Variants in ERC2 observed in about 807,000 individuals in gnomAD.
ERC2 encodes ELKS/RAB6-interacting/CAST family member 2, also known as ERC protein 2.
ERC2 carries 42 observed loss-of-function variants against 114.8 expected under a neutral mutation model. That is an observed-to-expected ratio of 0.37 (90% CI 0.29 to 0.47). ERC2 has a LOEUF of 0.47. ERC2 is among the 20% of genes least tolerant of loss of function. ERC2 has a pLI of 0.99. For missense variants in ERC2, 939 were observed against 1,150.7 expected (o/e 0.82, Z 2.66); for synonymous variants, 454 against 425.5 (o/e 1.07, Z -0.82).
chr3:56,345,335 G>A (rs1022183020), intron 2 of ERC2, among the ~76,000 whole-genome samples: 14 of 152,156 alleles, frequency 9.2e-5, no homozygotes, highest in African/African-American at 3.4e-4. Context: ...AAAAAGACAG[G>A]CATAGCCCTA....
At chr3:55,646,729 T>C (rs115748421) in intron 17 of ERC2, among the ~76,000 whole-genome samples, 1 of 152,292 alleles carries the variant, frequency 6.6e-6, no homozygotes, top group Non-Finnish European at 1.5e-5. Context: ...TTTTTATTTA[T>C]TGCTACAACC....
At chr3:55,652,190 C>T (rs917376819) in intron 17 of ERC2, among the ~76,000 whole-genome samples, 1 of 152,070 alleles carries the variant, frequency 6.6e-6, no homozygotes, top group Non-Finnish European at 1.5e-5. Flanking sequence ...AATAGCTGCT[C>T]GTTGTAAAGG....
At chr3:55,999,619 A>C (rs1281138923) in intron 10 of ERC2, among the ~76,000 whole-genome samples, 1 of 151,920 alleles carries the variant, frequency 6.6e-6, no homozygotes, top group African/African-American at 2.4e-5. Flanking sequence ...TAAAATAATA[A>C]GTATATCATT....
intron 2 of ERC2, among the ~76,000 whole-genome samples, chr3:56,363,135 G>C (rs1338790551): frequency 2.0e-5 from 3 of 152,164 alleles, no homozygotes; most frequent in Non-Finnish European, 4.4e-5. Flanking sequence ...GTAAAGAATA[G>C]AGAAACAATG....
chr3:55,888,301 C>T, intron 14 of ERC2, 88 bp downstream of exon 14: 1 of 1,433,018 alleles, frequency 7.0e-7, no homozygotes, highest in Non-Finnish European at 9.4e-7. Context: ...TTTCTGAGCT[C>T]TTTCTTCATC....
chr3:55,805,679 C>A (rs2059460689), intron 14 of ERC2, among the ~76,000 whole-genome samples: 1 of 152,060 alleles, frequency 6.6e-6, no homozygotes, highest in African/African-American at 2.4e-5. Flanking sequence ...ACAACAACAA[C>A]AAAGATAGAA....
intron 7 of ERC2, among the ~76,000 whole-genome samples, chr3:56,058,846 A>G (rs1342253242): frequency 6.6e-6 from 1 of 152,136 alleles, no homozygotes. Flanking sequence ...ATTTCTTAAA[A>G]CAAATCTTTT....
intron 13 of ERC2, among the ~76,000 whole-genome samples, chr3:55,896,495 A>G (rs1369859951): frequency 6.6e-6 from 1 of 152,386 alleles, no homozygotes; most frequent in African/African-American, 2.4e-5. Flanking sequence ...ATTTGTCTCT[A>G]TTTAACACAG....
intron 2 of ERC2, among the ~76,000 whole-genome samples, chr3:56,336,666 C>T (rs1274186491): frequency 6.6e-6 from 1 of 151,954 alleles, no homozygotes; most frequent in Non-Finnish European, 1.5e-5. Context: ...TGGTGGCAGG[C>T]GCCTGTAATC....
At chr3:55,548,203 T>A (rs2054894546) in intron 17 of ERC2, among the ~76,000 whole-genome samples, 1 of 152,256 alleles carries the variant, frequency 6.6e-6, no homozygotes, top group African/African-American at 2.4e-5. Context: ...TGTGAATGCC[T>A]GTGGGTGAGA....
At chr3:55,878,128 A>C (rs778768849) in intron 14 of ERC2, among the ~76,000 whole-genome samples, 2 of 152,172 alleles carry the variant, frequency 1.3e-5, no homozygotes, top group Non-Finnish European at 2.9e-5. Flanking sequence ...GCTTGGAATT[A>C]TTTAAACTCT....
intron 17 of ERC2, among the ~76,000 whole-genome samples, chr3:55,670,500 A>G (rs1484926950): frequency 2.6e-5 from 4 of 152,210 alleles, no homozygotes; most frequent in African/African-American, 9.6e-5. Context: ...AAGGGTCACC[A>G]TGGGGAATGC....
At chr3:56,126,625 G>A (rs1380246611) in intron 6 of ERC2, among the ~76,000 whole-genome samples, 1 of 151,910 alleles carries the variant, frequency 6.6e-6, no homozygotes, top group Non-Finnish European at 1.5e-5. Context: ...GGGTGTGGTG[G>A]TATGTAGTAG....
chr3:56,090,901 C>G (rs2077754125), intron 6 of ERC2, among the ~76,000 whole-genome samples: 1 of 151,998 alleles, frequency 6.6e-6, no homozygotes, highest in Non-Finnish European at 1.5e-5. Flanking sequence ...ATTGTGATCT[C>G]TAAACCATTT....
At chr3:55,907,148 G>C (rs768823410) in intron 13 of ERC2, among the ~76,000 whole-genome samples, 2 of 152,226 alleles carry the variant, frequency 1.3e-5, no homozygotes, top group Non-Finnish European at 2.9e-5. Flanking sequence ...CACCTGTATT[G>C]CTGGGAGAAA....
intron 6 of ERC2, among the ~76,000 whole-genome samples, chr3:56,083,780 T>C (rs902573291): frequency 1.3e-5 from 2 of 151,906 alleles, no homozygotes; most frequent in Non-Finnish European, 2.9e-5. Flanking sequence ...GGACTTAATC[T>C]TCACCCTCCA....
intron 11 of ERC2, among the ~76,000 whole-genome samples, chr3:55,989,076 A>G (rs2070854984): frequency 6.6e-6 from 1 of 152,188 alleles, no homozygotes. Context: ...TTTCCCAGAC[A>G]ATGCTCTGCT....
At chr3:56,006,537 C>G (rs1257930511) in intron 10 of ERC2, among the ~76,000 whole-genome samples, 4 of 151,954 alleles carry the variant, frequency 2.6e-5, no homozygotes, top group Non-Finnish European at 5.9e-5. Flanking sequence ...GGGAAAAAGT[C>G]AAAGTAACAA....
At position 55,993,550 on chromosome 3, in the gene ERC2, C is replaced by T. The variant is rs193118999; in HGVS notation, c.2062-1300G>A. 3.3e-5 allele frequency among the ~76,000 whole-genome samples: 5 copies of T among 151,600 alleles called. No individual in the cohort carries two copies. The East Asian group carries it at 7.7e-4, about 23-fold the overall frequency. Reference sequence around the variant, plus strand: ...TATAAATAAAATAAATTTCATATGACAAAATAATCATTTTAGAAATAATAT... The same window carrying T: ...TATAAATAAAATAAATTTCATATGATAAAATAATCATTTTAGAAATAATAT... On this transcript the variant is annotated intron_variant, in intron 10 of 17. Transcript: ENST00000288221.
Sources: allele counts gnomAD v4.1 joint callset (sites outside exome capture counted in the v4.1 genomes callset), GRCh38; gene constraint gnomAD v4.1.1; transcripts MANE v1.5; gene names NCBI Gene and HGNC (gene_info 2026-07-23, HGNC 2026-07-21).